The following CRYBG2 variants were observed in gnomAD, a reference collection of about 807,000 sequenced individuals.
The protein encoded by CRYBG2 is beta/gamma crystallin domain-containing protein 2.
A neutral mutation model predicts 153.4 loss-of-function variants in CRYBG2; 106 were observed. The observed-to-expected ratio is 0.69, with a 90% CI of 0.59 to 0.81. The LOEUF (loss-of-function observed/expected upper bound fraction) is 0.81, where lower values mean the gene tolerates loss of function less well. Among genes scored for constraint, CRYBG2 ranks in the 30% least tolerant of loss-of-function variants. The probability of loss-of-function intolerance (pLI) is 0.00; values close to 1 mark genes in which losing one functional copy is unlikely to be tolerated. For synonymous variants in CRYBG2, 851 were observed against 877.8 expected (o/e 0.97, Z 0.54); for missense variants, 1,996 against 2,112.0 (o/e 0.95, Z 1.08).
In CRYBG2 at chr1:26,331,550, G is replaced by C; in HGVS notation, c.4253C>G (p.Thr1418Ser). ...GGCGAGGCAGCCCATGGCCGTGAGA[G>C]TGGGGAACTCGCCCTCAGAGAGAAT... ...QHILSEGEFP[T>S]LTAMGCLAST... Residue 1418 changes from threonine to serine, a missense_variant, in exon 15 of 20, where the codon ACT becomes AGT. By Grantham distance (58) the Thr-to-Ser change is moderately conservative. Transcript: ENST00000308182. 6.2e-7 allele frequency: 1 copy of C among 1,614,144 alleles called. No homozygotes were observed. Among genetic ancestry groups the C allele is most frequent in the South Asian group, 1.1e-5 (1 of 91,084 alleles).
At position 26,328,322 on chromosome 1, in the gene CRYBG2, A is replaced by G. The variant is rs2073957789; in HGVS notation, c.4465T>C (p.Cys1489Arg). 1.3e-6 allele frequency: 2 copies of G among 1,570,808 alleles called. No homozygotes were observed. Among genetic ancestry groups the G allele is most frequent in the Admixed American group, 1.8e-5 (1 of 54,404 alleles). Residue 1489 changes from cysteine to arginine, a missense_variant, in exon 17 of 20, where the codon TGT becomes CGT. Cys to Arg is a radical substitution (Grantham distance 180, BLOSUM62 -3). Transcript: ENST00000308182. Reference sequence around the variant, plus strand: ...CGGCCCCGGAAGTCACTGTGTTCACATAGCACCCAACTGGGCCCAGCAGGT... The same window carrying G: ...CGGCCCCGGAAGTCACTGTGTTCACGTAGCACCCAACTGGGCCCAGCAGGT... ...VRIKGGIWVL[C>R]EHSDFRGRQW...
rs2074162361 is a variant in CRYBG2 at position 26,343,751 on chromosome 1, C to G, written c.2907G>C (p.Glu969Asp). The change falls in exon 2 of 20, where the codon GAG becomes GAC. Residue 969 changes from glutamate to aspartate, a missense_variant. By Grantham distance (45) the Glu-to-Asp change is conservative. Coordinates refer to ENST00000308182, the MANE Select transcript of CRYBG2 (RefSeq NM_001039775.4). The surrounding 1 kb of genome is among the most constrained non-coding windows in gnomAD (Gnocchi z 4.1). ...TEKLACSLPL[E>D]GWSPALKTQG... is the part of the protein sequence containing the mutation. ...CACCCGAGGCCTCACTTACCCACCC[C>G]TCCAGGGGCAGGGAACAGGCAAGCT... The G allele has an allele frequency of 2.8e-6, 4 of 1,447,012 alleles. No individual in the cohort carries two copies. Among genetic ancestry groups the G allele is most frequent in the Non-Finnish European group, 3.6e-6 (4 of 1,097,604 alleles). 89.6% of individuals were successfully genotyped at this position (1,447,012 alleles called of 1,614,324 possible).
chr1:26,348,953 G>A (rs1350202060), intron 1 of CRYBG2, among the ~76,000 whole-genome samples: 8 of 151,946 alleles, frequency 5.3e-5, no homozygotes, highest in Non-Finnish European at 1.2e-4. Context: ...CCGATCACCT[G>A]AGGTCAGGAG....
In CRYBG2 at chr1:26,325,593, G is replaced by T. The variant is rs1376910712; in HGVS notation, c.4579-1283C>A. 1.5e-5 allele frequency among the ~76,000 whole-genome samples: 2 copies of T among 130,856 alleles called. No homozygotes were observed. Among genetic ancestry groups the T allele is most frequent in the African/African-American group, 5.8e-5 (2 of 34,248 alleles). The allele number at this position is 130,856 out of a possible 152,430, so 85.8% of individuals were successfully genotyped here. A position where few individuals can be genotyped will look rare whatever the true frequency, so the allele number is the denominator to read the frequency against. ...ATTAATTAATAAAAATTAAAAAAAT[G>T]AATGCACTCCCACAGATACACACAC... On this transcript the variant is annotated intron_variant, in intron 17 of 19. Coordinates refer to ENST00000308182, the MANE Select transcript of CRYBG2 (RefSeq NM_001039775.4). This position sits in a 1 kb window ranked among gnomAD's most constrained non-coding sequence, Gnocchi z 4.1.
Position 26,345,716 on chromosome 1 carries a change from G to C in CRYBG2, c.942C>G (p.Asp314Glu). Residue 314 changes from aspartate (D) to glutamate (E), a missense_variant, in exon 2 of 20, where the codon GAC becomes GAG. By Grantham distance (45) the Asp-to-Glu change is conservative (BLOSUM62 2). Coordinates refer to ENST00000308182, the MANE Select transcript of CRYBG2 (RefSeq NM_001039775.4). Reference sequence around the variant, plus strand: ...CATCCGGGGCTCTGCCCTGGTCTCTGTCCGGACAGGCTGCAGGGGCATCCT... The same window carrying C: ...CATCCGGGGCTCTGCCCTGGTCTCTCTCCGGACAGGCTGCAGGGGCATCCT... ...KNQDAPAACP[D>E]RDQGRAPDAR... 1 of 1,597,710 alleles carries C rather than the reference G, an allele frequency of 6.3e-7. No homozygotes were observed. The highest frequency in any genetic ancestry group is 1.7e-5 in the Admixed American group (1 of 59,844).
intron 5 of CRYBG2, among the ~76,000 whole-genome samples, chr1:26,342,201 T>C (rs1191461136): frequency 6.6e-6 from 1 of 152,174 alleles, no homozygotes; most frequent in Non-Finnish European, 1.5e-5. Flanking sequence ...TCTGCTGCTC[T>C]GTCCCCTTCC....
rs770791885 is a variant in CRYBG2 at position 26,343,988 on chromosome 1, C to A, written c.2670G>T (p.Leu890=). Residue 890 remains leucine, a synonymous_variant, in exon 2 of 20, where the codon CTG becomes CTT. Coordinates refer to ENST00000308182, the MANE Select transcript of CRYBG2 (RefSeq NM_001039775.4). The surrounding 1 kb of genome is among the most constrained non-coding windows in gnomAD (Gnocchi z 4.1). The part of the protein sequence containing the change: ...VAGTKGPHSE[L]GLELQGGSRP... ...TGCTGCCTCCCTGCAGTTCCAATCC[C>A]AGCTCTGAGTGGGGGCCCTTGGTTC... The A allele has an allele frequency of 3.9e-6, 6 of 1,536,696 alleles. No homozygotes were observed. In the South Asian group the frequency reaches 7.1e-5, roughly 18 times the overall value.
chr1:26,342,975 G>A (rs1051505296), intron 4 of CRYBG2, 72 bp downstream of exon 4: 5 of 1,552,904 alleles, frequency 3.2e-6, no homozygotes, highest in Non-Finnish European at 4.4e-6. Flanking sequence ...AGGCTGGACT[G>A]GTCACTCCTC....
chr1:26,341,118 C>T (rs990001933), intron 5 of CRYBG2, among the ~76,000 whole-genome samples: 2 of 151,842 alleles, frequency 1.3e-5, no homozygotes, highest in African/African-American at 2.4e-5. Flanking sequence ...ATGGGTGGAT[C>T]ACGAGGTCAG....
intron 15 of CRYBG2, among the ~76,000 whole-genome samples, chr1:26,330,923 G>A (rs556462985): frequency 6.6e-6 from 1 of 152,106 alleles, no homozygotes; most frequent in Non-Finnish European, 1.5e-5. Context: ...GCCCCCACTG[G>A]CCACACAGTC....
At chr1:26,328,641 G>A in intron 16 of CRYBG2, 93 bp downstream of exon 16, 5 of 1,497,682 alleles carry the variant, frequency 3.3e-6, no homozygotes, top group Non-Finnish European at 4.5e-6. Context: ...AAAGTGGGGA[G>A]GGGAAAGAGG....
chr1:26,340,402 T>C (rs1049939937), intron 5 of CRYBG2, among the ~76,000 whole-genome samples: 5 of 152,152 alleles, frequency 3.3e-5, no homozygotes, highest in African/African-American at 1.2e-4. Flanking sequence ...AGCAGTATAG[T>C]TTTTGTTCAC....
In CRYBG2 at chr1:26,345,323, C is replaced by T; in HGVS notation, c.1335G>A (p.Lys445=). 2 of 1,613,610 alleles carry T rather than the reference C, an allele frequency of 1.2e-6. No individual in the cohort carries two copies. The highest frequency in any genetic ancestry group is 2.2e-5 in the South Asian group (2 of 91,090). Residue 445 remains lysine (K), a synonymous_variant, in exon 2 of 20, where the codon AAG becomes AAA. Coordinates refer to ENST00000308182, the MANE Select transcript of CRYBG2 (RefSeq NM_001039775.4). ...GGACATTTTCAGAGTTCTGAACAAACTTATTCCTTGGGGACGATGGAGCAG... is the reference window on the plus strand; with the variant it reads ...GGACATTTTCAGAGTTCTGAACAAATTTATTCCTTGGGGACGATGGAGCAG... ...GLSAPSSPRN[K]FVQNSENVPV...
Position 26,334,924 on chromosome 1 carries a change from AAAAACAAACAAAC to A in CRYBG2, c.4184+1158_4184+1170del, listed in dbSNP as rs2074036657. 4.1e-5 allele frequency among the ~76,000 whole-genome samples: 6 copies of A among 146,044 alleles called. No individual in the cohort carries two copies. The South Asian group carries it at 1.1e-3, about 26-fold the overall frequency. Reference sequence around the variant, plus strand: ...GCGACAGAGCGAGACTCCATCTCAAAAAAACAAACAAACAAAACAAACAAACAAACAAACAAAA... The same window carrying A: ...GCGACAGAGCGAGACTCCATCTCAAAAAAACAAACAAACAAACAAACAAAA... On this transcript the variant is annotated intron_variant, in intron 14 of 19. Transcript: ENST00000308182.
chr1:26,328,219 G>T lies in CRYBG2; in HGVS notation c.4568C>A (p.Pro1523His), dbSNP rs1242279922. The change falls in exon 17 of 20, where the codon CCC (proline) becomes CAC (histidine). Residue 1523 changes from proline (P) to histidine (H), a missense_variant. Coordinates refer to ENST00000308182, the MANE Select transcript of CRYBG2 (RefSeq NM_001039775.4). ...SGTQRVGSLY[P>H]IKQRRVYFRL... ...AGCCACGCTACCCACCTGCTTGATG[G>T]GGTAGAGGGAGCCCACCCTCTGGGT... 1.9e-6 allele frequency: 3 copies of T among 1,564,466 alleles called. No individual in the cohort carries two copies. The highest frequency in any genetic ancestry group is 3.8e-5 in the Admixed American group (2 of 52,978).
At chr1:26,348,490 T>C (rs114122697) in intron 1 of CRYBG2, among the ~76,000 whole-genome samples, 1,632 of 152,308 alleles carry the variant, frequency 0.011, 36 homozygotes, top group African/African-American at 0.037. Flanking sequence ...GAGCCCAGGC[T>C]GCAATGAGCT....
chr1:26,333,273 G>A (rs1258610702), intron 14 of CRYBG2, among the ~76,000 whole-genome samples: 2 of 152,122 alleles, frequency 1.3e-5, no homozygotes, highest in Admixed American at 6.6e-5. Context: ...GTCCTTAAAA[G>A]AAGAGGAAGA....
Position 26,336,738 on chromosome 1 carries a change from G to T in CRYBG2, c.3912-6C>A. On this transcript the variant is annotated splice_polypyrimidine_tract_variant and splice_region_variant and intron_variant, in intron 11 of 19. Transcript: ENST00000308182. The surrounding 1 kb of genome is among the most constrained non-coding windows in gnomAD (Gnocchi z 4.9). The stretch of plus-strand genomic sequence containing the variant: ...CCTCCTGGTAGGCCACCCACCTGCA[G>T]GAAGGGCGGGGCGCGAGTCAGCTGG... The T allele has an allele frequency of 1.3e-6, 2 of 1,583,360 alleles. No homozygotes were observed. Among genetic ancestry groups the T allele is most frequent in the African/African-American group, 1.3e-5 (1 of 74,348 alleles).
chr1:26,336,721 T>G lies in CRYBG2; in HGVS notation c.3923A>C (p.Tyr1308Ser), dbSNP rs1294815800. Residue 1308 changes from tyrosine (Y) to serine (S), a missense_variant, in exon 12 of 20, where the codon TAC becomes TCC. Transcript: ENST00000308182. This position sits in a 1 kb window ranked among gnomAD's most constrained non-coding sequence, Gnocchi z 4.9. ...TTCCCCGGAGAAGCCCACCTCCTGG[T>G]AGGCCACCCACCTGCAGGAAGGGCG... ...IHVLSGVWVAYQEVGFSGEQY... is the reference protein window; with the variant it reads ...IHVLSGVWVASQEVGFSGEQY... 14 of 1,581,830 alleles carry G rather than the reference T, an allele frequency of 8.9e-6. No homozygotes were observed. Among genetic ancestry groups the G allele is most frequent in the Non-Finnish European group, 1.1e-5 (13 of 1,163,848 alleles).
Sources: gnomAD v4.1 joint callset for allele counts (sites outside exome capture counted in the v4.1 genomes callset) on GRCh38, gnomAD v4.1.1 for gene constraint, Gnocchi (gnomAD v3.1) non-coding constraint, MANE v1.5 for transcripts, NCBI Gene and HGNC (gene_info 2026-07-23, HGNC 2026-07-21) for gene names.